Variants in DPP6 observed in about 807,000 individuals in gnomAD.
The protein encoded by DPP6 is A-type potassium channel modulatory protein DPP6.
In DPP6, 69 loss-of-function variants were observed where a neutral mutation model predicts 122.6. The ratio of observed to expected loss-of-function variants is 0.56; its 90% CI spans 0.46 to 0.69. The LOEUF (loss-of-function observed/expected upper bound fraction) is 0.69, where lower values mean the gene tolerates loss of function less well. Ranked by LOEUF, DPP6 falls within the 30% of genes least tolerant of loss-of-function variation. DPP6 has a pLI of 0.00. For missense variants in DPP6, 928 were observed against 1,116.9 expected (o/e 0.83, Z 2.41); for synonymous variants, 418 against 433.1 (o/e 0.97, Z 0.43).
At chr7:154,263,150 A>G (rs1464723720) in intron 1 of DPP6, among the ~76,000 whole-genome samples, 3 of 152,154 alleles carry the variant, frequency 2.0e-5, no homozygotes, top group Non-Finnish European at 4.4e-5. Context: ...TAAGAAACCT[A>G]CCCCACTCCC....
intron 7 of DPP6, among the ~76,000 whole-genome samples, chr7:154,672,235 C>A (rs981480332): frequency 1.3e-5 from 2 of 152,144 alleles, no homozygotes; most frequent in Non-Finnish European, 2.9e-5. Flanking sequence ...TGAGGCCTCC[C>A]CAGCAATGCA....
intron 1 of DPP6, among the ~76,000 whole-genome samples, chr7:154,307,680 C>T (rs1035779239): frequency 1.3e-5 from 2 of 152,016 alleles, no homozygotes; most frequent in African/African-American, 2.4e-5. Context: ...GTCTCTTATT[C>T]CTGCATTATA....
chr7:153,845,975 C>G, the DPP6 span, among the ~76,000 whole-genome samples: 1 of 152,040 alleles, frequency 6.6e-6, no homozygotes, highest in Admixed American at 6.5e-5. Flanking sequence ...TAATGATTTA[C>G]TGTTTTCTGT....
At chr7:153,975,769 G>A (rs1796271380) in intron 1 of DPP6, among the ~76,000 whole-genome samples, 1 of 152,088 alleles carries the variant, frequency 6.6e-6, no homozygotes, top group Admixed American at 6.5e-5. Context: ...TATGACAAAA[G>A]CAATATAGCA....
chr7:154,656,103 C>T (rs917514434), intron 6 of DPP6, among the ~76,000 whole-genome samples: 2 of 150,976 alleles, frequency 1.3e-5, no homozygotes, highest in Non-Finnish European at 2.9e-5. Flanking sequence ...GCTGCGGTCA[C>T]GCCCAGGACA....
chr7:154,241,427 G>T lies in DPP6; in HGVS notation c.243+188364G>T, dbSNP rs142338597. On this transcript the variant is annotated intron_variant, in intron 1 of 25. Coordinates refer to ENST00000377770, the MANE Select transcript of DPP6 (RefSeq NM_130797.4). The surrounding 1 kb of genome is among the most constrained non-coding windows in gnomAD (Gnocchi z 9.0). Reference sequence around the variant, plus strand: ...ATGGTGACTCACACCTGGCGTGGAGGTGAGCACCTGTAGTCCTGGCTATTT... The same window carrying T: ...ATGGTGACTCACACCTGGCGTGGAGTTGAGCACCTGTAGTCCTGGCTATTT... 1.2e-3 allele frequency among the ~76,000 whole-genome samples: 190 copies of T among 152,132 alleles called. No individual in the cohort carries two copies. The highest frequency in any genetic ancestry group is 4.4e-3 in the African/African-American group (184 of 41,486).
At position 154,313,685 on chromosome 7, in the gene DPP6, G is replaced by GTGTGTGTGTGTATATATATATATA; in HGVS notation, c.244-132528_244-132527insGTGTGTGTGTATATATATATATAT. Among the ~76,000 whole-genome samples the GTGTGTGTGTGTATATATATATATA allele has an allele frequency of 7.2e-3, 148 of 20,450 alleles. 36 individuals are homozygous for GTGTGTGTGTGTATATATATATATA. Among genetic ancestry groups the GTGTGTGTGTGTATATATATATATA allele is most frequent in the East Asian group, 0.04 (12 of 300 alleles). 13.4% of individuals were successfully genotyped at this position (20,450 alleles called of 152,430 possible). A position where few individuals can be genotyped will look rare whatever the true frequency, so the allele number is the denominator to read the frequency against. Reference sequence around the variant, plus strand: ...AAGCAACAAGATATTTTAAGATATGGTATATATATATATATATATATATAT... The same window carrying GTGTGTGTGTGTATATATATATATA: ...AAGCAACAAGATATTTTAAGATATGGTGTGTGTGTGTATATATATATATATATATATATATATATATATATATAT... On this transcript the variant is annotated intron_variant, in intron 1 of 25. Transcript: ENST00000377770.
chr7:153,851,289 A>G, the DPP6 span, among the ~76,000 whole-genome samples: 2 of 152,226 alleles, frequency 1.3e-5, no homozygotes, highest in East Asian at 3.9e-4. Flanking sequence ...TTACTAAATT[A>G]CTTGCTGACT....
intron 1 of DPP6, among the ~76,000 whole-genome samples, chr7:153,949,760 C>T (rs1265851047): frequency 1.3e-5 from 2 of 152,180 alleles, no homozygotes. Context: ...GGCAAAGAGA[C>T]ATTGGTGAGT....
chr7:153,924,702 C>G (rs1692113549), intron 1 of DPP6, among the ~76,000 whole-genome samples: 2 of 152,134 alleles, frequency 1.3e-5, no homozygotes, highest in South Asian at 4.1e-4. Context: ...GACCATCTGC[C>G]TTGTTGTTGA....
the DPP6 span, among the ~76,000 whole-genome samples, chr7:153,797,661 C>T: frequency 6.6e-6 from 1 of 152,138 alleles, no homozygotes; most frequent in Non-Finnish European, 1.5e-5. Flanking sequence ...CTACCACAGA[C>T]TGGTGGCTTC....
chr7:153,868,582 T>C, the DPP6 span, among the ~76,000 whole-genome samples: 3 of 152,190 alleles, frequency 2.0e-5, no homozygotes, highest in Non-Finnish European at 4.4e-5. Context: ...ATCAATTTTG[T>C]TGATCTTTTA....
chr7:154,468,757 G>T (rs1486025622), intron 2 of DPP6, among the ~76,000 whole-genome samples: 1 of 152,124 alleles, frequency 6.6e-6, no homozygotes, highest in Non-Finnish European at 1.5e-5. Context: ...TGATGACTTA[G>T]TTTCTACCAT....
intron 1 of DPP6, among the ~76,000 whole-genome samples, chr7:154,431,844 C>G (rs937596009): frequency 3.3e-5 from 5 of 152,210 alleles, no homozygotes; most frequent in East Asian, 1.9e-4. Context: ...TTCCTTCTCC[C>G]TTTCTTACCC....
chr7:154,234,249 C>T (rs183025132), intron 1 of DPP6, among the ~76,000 whole-genome samples: 2 of 152,208 alleles, frequency 1.3e-5, no homozygotes, highest in East Asian at 3.9e-4. Flanking sequence ...GTGCTTTGCC[C>T]ACTGGTTGTA....
chr7:153,920,563 C>CTTTTTTTTTTT (rs61553100), intron 1 of DPP6, among the ~76,000 whole-genome samples: 8,186 of 87,836 alleles, frequency 0.093, 1,133 homozygotes, highest in African/African-American at 0.13. Context: ...TTATCTCTCT[C>CTTTTTTTTTTT]TTTTTTTTTT....
In DPP6 at chr7:154,809,340, C is replaced by T. The variant is rs115956283; in HGVS notation, c.1666+2228C>T. ...CAAGGAGTGTGACTGGCTGTGGTGG[C>T]CCCTCTTTAATTATTGTCCCATTTG... On this transcript the variant is annotated intron_variant, in intron 16 of 25. Coordinates refer to ENST00000377770, the MANE Select transcript of DPP6 (RefSeq NM_130797.4). Among the ~76,000 whole-genome samples, 477 of 151,952 alleles carry T rather than the reference C, an allele frequency of 3.1e-3. 4 individuals carry two copies. Among genetic ancestry groups the T allele is most frequent in the African/African-American group, 0.011 (453 of 41,444 alleles).
At chr7:154,172,088 C>G (rs1347582135) in intron 1 of DPP6, among the ~76,000 whole-genome samples, 1 of 152,148 alleles carries the variant, frequency 6.6e-6, no homozygotes, top group Non-Finnish European at 1.5e-5. Context: ...CTCCCTTTCA[C>G]TGAGCCTCAT....
intron 17 of DPP6, among the ~76,000 whole-genome samples, chr7:154,856,108 T>C (rs1160469600): frequency 6.6e-6 from 1 of 152,250 alleles, no homozygotes; most frequent in Non-Finnish European, 1.5e-5. Context: ...ATTTCAAATT[T>C]AAAAGTTTTT....
Sources: allele counts gnomAD v4.1 joint callset (sites outside exome capture counted in the v4.1 genomes callset), GRCh38; gene constraint gnomAD v4.1.1; non-coding constraint Gnocchi (gnomAD v3.1); transcripts MANE v1.5; gene names NCBI Gene and HGNC (gene_info 2026-07-23, HGNC 2026-07-21).